TCF12: variants seen among roughly 807,000 people sequenced by gnomAD.
TCF12 encodes the protein transcription factor 12, also known as DNA-binding protein HTF4.
Under a neutral mutation model 86.0 loss-of-function variants are expected in TCF12, and 45 were observed. The ratio of observed to expected loss-of-function variants is 0.52; its 90% CI spans 0.41 to 0.67. The LOEUF (loss-of-function observed/expected upper bound fraction) is 0.67. Ranked by LOEUF, TCF12 falls within the 30% of genes least tolerant of loss-of-function variation. The pLI, the probability that TCF12 is intolerant of heterozygous loss-of-function variation, is 0.00. For synonymous variants in TCF12, 330 were observed against 299.6 expected, an observed-to-expected ratio of 1.10 and a Z score of -1.05; for missense variants, 881 against 859.9, an observed-to-expected ratio of 1.02 and a Z score of -0.31.
intron 5 of TCF12, among the ~76,000 whole-genome samples, chr15:57,165,863 AAGAAG>A (rs1445724149): frequency 1.3e-5 from 2 of 152,074 alleles, no homozygotes; most frequent in Admixed American, 1.3e-4. Flanking sequence ...TTGAGAGAGA[AAGAAG>A]AGAAGAAGGT....
intron 3 of TCF12, among the ~76,000 whole-genome samples, chr15:57,007,013 A>G (rs1458650242): frequency 2.0e-5 from 3 of 152,184 alleles, no homozygotes; most frequent in South Asian, 4.1e-4. Context: ...TTTTTAGGTA[A>G]GTACTTTGAG....
At chr15:56,972,029 A>G (rs1410517134) in intron 3 of TCF12, among the ~76,000 whole-genome samples, 1 of 152,210 alleles carries the variant, frequency 6.6e-6, no homozygotes, top group African/African-American at 2.4e-5. Flanking sequence ...ATATACTAAA[A>G]ACCATTGAAT....
rs144073757 is a variant in TCF12, at chr15:57,077,325, ATATGTGTGTGTGTGTGTGTGTG to A, written c.222+13504_222+13525del. ...ATTTACTTTCCATATATATGTATAT[ATATGTGTGTGTGTGTGTGTGTG>A]TGTGTGTGTGTGTGTGTGTGTGTGT... On this transcript the variant is annotated intron_variant, in intron 4 of 20. Coordinates refer to ENST00000333725, the MANE Select transcript of TCF12 (RefSeq NM_207037.2). 8.1e-3 allele frequency among the ~76,000 whole-genome samples: 1,027 copies of A among 127,226 alleles called. 67 individuals are homozygous for A. Among genetic ancestry groups the A allele is most frequent in the African/African-American group, 0.028 (892 of 31,640 alleles). 83.5% of individuals were successfully genotyped at this position (127,226 alleles called of 152,430 possible).
chr15:56,951,062 A>G (rs986793879), intron 3 of TCF12, among the ~76,000 whole-genome samples: 7 of 151,954 alleles, frequency 4.6e-5, no homozygotes, highest in African/African-American at 1.7e-4. Flanking sequence ...GGCCATTATG[A>G]CCATTCTTAA....
intron 7 of TCF12, among the ~76,000 whole-genome samples, chr15:57,192,529 T>C (rs954214328): frequency 6.6e-6 from 1 of 152,116 alleles, no homozygotes; most frequent in Non-Finnish European, 1.5e-5. Flanking sequence ...GCTGAGACTA[T>C]AGGCATGTGC....
intron 8 of TCF12, among the ~76,000 whole-genome samples, chr15:57,208,703 A>G (rs2057972563): frequency 6.6e-6 from 1 of 151,350 alleles, no homozygotes; most frequent in Non-Finnish European, 1.5e-5. Flanking sequence ...AAGAACTTAA[A>G]AAAAAATTTT....
At chr15:56,933,776 G>A (rs768567788) in intron 3 of TCF12, among the ~76,000 whole-genome samples, 38 of 152,000 alleles carry the variant, frequency 2.5e-4, no homozygotes, top group Non-Finnish European at 5.1e-4. Context: ...TATGGAGAGA[G>A]GGAATCTTCA....
At position 57,217,605 on chromosome 15, in the gene TCF12, G is replaced by A. The variant is rs111530681; in HGVS notation, c.580-13547G>A. 8.8e-4 allele frequency among the ~76,000 whole-genome samples: 134 copies of A among 152,248 alleles called. 4 individuals carry two copies. Among genetic ancestry groups the A allele is most frequent in the African/African-American group, 3.2e-3 (132 of 41,538 alleles). On this transcript the variant is annotated intron_variant, in intron 8 of 20. Coordinates refer to ENST00000333725, the MANE Select transcript of TCF12 (RefSeq NM_207037.2). ...AGATTGAAGCGATGATTATAAAAAT[G>A]TTGAAGTATTGTCAGTGCTTTGTGG... is the stretch of plus-strand genomic sequence containing the variant.
chr15:56,946,083 A>G (rs1302409228), intron 3 of TCF12, among the ~76,000 whole-genome samples: 3 of 152,192 alleles, frequency 2.0e-5, no homozygotes, highest in African/African-American at 7.2e-5. Context: ...GTAGCAGCAT[A>G]AAACAGACTA....
At chr15:57,262,986 C>T in intron 17 of TCF12, 126 bp from the exon 18 acceptor site, 3 of 961,664 alleles carry the variant, frequency 3.1e-6, no homozygotes, top group Non-Finnish European at 4.5e-6. Flanking sequence ...CCTACATCTT[C>T]AAACCTCCAT....
chr15:56,929,273 C>T (rs1429403019), intron 3 of TCF12, among the ~76,000 whole-genome samples: 3 of 151,988 alleles, frequency 2.0e-5, no homozygotes, highest in Non-Finnish European at 4.4e-5. Flanking sequence ...TTTCTTGCTC[C>T]TATAGAAGCC....
chr15:57,009,878 T>C (rs1396035906), intron 3 of TCF12, among the ~76,000 whole-genome samples: 11 of 152,170 alleles, frequency 7.2e-5, no homozygotes, highest in Admixed American at 5.9e-4. Context: ...CATAAAGCTC[T>C]GTGTGACTCT....
Position 57,102,462 on chromosome 15 carries a change from G to A in TCF12, c.325+10571G>A, listed in dbSNP as rs151253207. On this transcript the variant is annotated intron_variant, in intron 5 of 20. Transcript: ENST00000333725. ...AAAATACCAAAATTAGCTGGGCGTCGTGACGCACACCTGTAATTCCAGCTA... is the reference window on the plus strand; with the variant it reads ...AAAATACCAAAATTAGCTGGGCGTCATGACGCACACCTGTAATTCCAGCTA... Among the ~76,000 whole-genome samples the A allele has an allele frequency of 5.1e-3, 773 of 152,226 alleles. 8 individuals carry two copies. Among genetic ancestry groups the A allele is most frequent in the African/African-American group, 0.017 (724 of 41,528 alleles).
intron 3 of TCF12, among the ~76,000 whole-genome samples, chr15:57,052,636 CAAAA>C (rs10573760): frequency 2.5e-5 from 3 of 122,428 alleles, no homozygotes; most frequent in Non-Finnish European, 3.4e-5. Flanking sequence ...GACTCCATCT[CAAAA>C]AAAAAAAAAA....
chr15:57,213,859 A>G (rs1252206473), intron 8 of TCF12, among the ~76,000 whole-genome samples: 2 of 152,230 alleles, frequency 1.3e-5, no homozygotes, highest in South Asian at 2.1e-4. Flanking sequence ...TAACGAGTCA[A>G]TAGCGCAAAG....
intron 3 of TCF12, among the ~76,000 whole-genome samples, chr15:56,927,508 T>C (rs2060067327): frequency 1.3e-5 from 2 of 152,266 alleles, no homozygotes; most frequent in African/African-American, 4.8e-5. Context: ...TCTCCTGTTA[T>C]TAACTTGGCT....
At chr15:56,943,673 C>T (rs1477350515) in intron 3 of TCF12, among the ~76,000 whole-genome samples, 1 of 152,262 alleles carries the variant, frequency 6.6e-6, no homozygotes, top group African/African-American at 2.4e-5. Context: ...ATAGCTAGTT[C>T]AAATTGTTTA....
At chr15:56,949,748 G>A (rs184953321) in intron 3 of TCF12, among the ~76,000 whole-genome samples, 1 of 152,276 alleles carries the variant, frequency 6.6e-6, no homozygotes, top group Non-Finnish European at 1.5e-5. Context: ...TGTTTGGGAA[G>A]GCAGTCATGT....
intron 3 of TCF12, among the ~76,000 whole-genome samples, chr15:56,952,189 T>TATACACAC (rs76965825): frequency 2.3e-4 from 35 of 150,398 alleles, no homozygotes; most frequent in Non-Finnish European, 4.0e-4. Flanking sequence ...TTTGTGTATA[T>TATACACAC]ACACACACAC....
Sources: allele counts gnomAD v4.1 joint callset (sites outside exome capture counted in the v4.1 genomes callset), GRCh38; gene constraint gnomAD v4.1.1; transcripts MANE v1.5; gene names NCBI Gene and HGNC (gene_info 2026-07-23, HGNC 2026-07-21).